Variants in PHAF1 observed in about 807,000 individuals in gnomAD.
PHAF1 encodes the protein phagosome assembly factor 1.
In PHAF1, 23 loss-of-function variants were observed where a neutral mutation model predicts 63.1. The observed-to-expected ratio is 0.36, with a 90% CI of 0.26 to 0.52. The LOEUF (loss-of-function observed/expected upper bound fraction) is 0.52, where lower values mean the gene tolerates loss of function less well. Ranked by LOEUF, PHAF1 falls within the 20% of genes least tolerant of loss-of-function variation. The probability of loss-of-function intolerance (pLI) is 0.93; values close to 1 mark genes in which losing one functional copy is unlikely to be tolerated. For synonymous variants in PHAF1, 167 were observed against 185.0 expected, an observed-to-expected ratio of 0.90 and a Z score of 0.79; for missense variants, 427 against 517.2, an observed-to-expected ratio of 0.83 and a Z score of 1.69.
chr16:67,133,793 A>G (rs1013439030), intron 6 of PHAF1, among the ~76,000 whole-genome samples: 4 of 151,788 alleles, frequency 2.6e-5, no homozygotes, highest in Non-Finnish European at 4.4e-5. Context: ...AAAAAAAAAA[A>G]AATTAGCTGG....
In PHAF1 at chr16:67,110,163, G is replaced by T. The variant is rs1216645685; in HGVS notation, c.-13G>T. The T allele has an allele frequency of 1.9e-6, 3 of 1,551,056 alleles. No individual in the cohort carries two copies. Among genetic ancestry groups the T allele is most frequent in the Middle Eastern group, 2.0e-4 (1 of 5,052 alleles). On this transcript the variant is annotated 5_prime_UTR_variant, in exon 1 of 16. Transcript: ENST00000219139. ...GCCGCAGGGAGGCCGCCCGGGCCAG[G>T]CGAGCCGAACCAATGCTGGACCTGG...
At position 67,144,985 on chromosome 16, in the gene PHAF1, A is replaced by G. The variant is rs564180574; in HGVS notation, c.1006+108A>G. ...GGTTGGATGTGTGGAGCTTCTGCCC[A>G]TGGCCTCAGTTCCTCTGGGGTGGGC... On this transcript the variant is annotated intron_variant, in intron 12 of 15. Coordinates refer to ENST00000219139, the MANE Select transcript of PHAF1 (RefSeq NM_025187.5). 5.4e-5 allele frequency: 74 copies of G among 1,381,330 alleles called. No homozygotes were observed. In the Admixed American group the frequency reaches 6.6e-4, roughly 12 times the overall value. The allele number at this position is 1,381,330 out of a possible 1,614,324, so 85.6% of individuals were successfully genotyped here. A position where few individuals can be genotyped will look rare whatever the true frequency, so the allele number is the denominator to read the frequency against.
Position 67,145,361 on chromosome 16 carries a change from G to C in PHAF1, c.1007-15G>C. The C allele has an allele frequency of 6.2e-7, 1 of 1,614,002 alleles. No individual in the cohort carries two copies. On this transcript the variant is annotated splice_polypyrimidine_tract_variant and intron_variant, in intron 12 of 15. Coordinates refer to ENST00000219139, the MANE Select transcript of PHAF1 (RefSeq NM_025187.5). The stretch of plus-strand genomic sequence containing the variant: ...GGGCCAGCTACAAATCTGCCCCACT[G>C]TCTTCTCTTTTCAGAAAACGCAGAT...
At chr16:67,141,804 AC>A (rs1963819879) in intron 10 of PHAF1, among the ~76,000 whole-genome samples, 1 of 152,232 alleles carries the variant, frequency 6.6e-6, no homozygotes, top group Non-Finnish European at 1.5e-5. Flanking sequence ...ACCAAGAACC[AC>A]ACAGAGCCCC....
At chr16:67,141,023 T>C (rs763721768) in intron 10 of PHAF1, among the ~76,000 whole-genome samples, 13 of 152,248 alleles carry the variant, frequency 8.5e-5, no homozygotes, top group Admixed American at 5.2e-4. Flanking sequence ...CCCTGTGCTA[T>C]GGACCCAGGG....
rs962805022 is a variant in PHAF1, at chr16:67,139,979, T to G, written c.662-5T>G. On this transcript the variant is annotated splice_region_variant and splice_polypyrimidine_tract_variant and intron_variant, in intron 8 of 15. Transcript: ENST00000219139. ...CTGACAACCTCTCTGTCTTGTTTTT[T>G]GCAGGTTGTGGACCTGGCCTATTAG... 5.0e-6 allele frequency: 8 copies of G among 1,614,114 alleles called. No homozygotes were observed. Among genetic ancestry groups the G allele is most frequent in the Non-Finnish European group, 6.8e-6 (8 of 1,179,994 alleles).
At chr16:67,146,920 T>C (rs2030142464) in intron 15 of PHAF1, 125 bp from the exon 16 acceptor site, 6 of 852,502 alleles carry the variant, frequency 7.0e-6, no homozygotes, top group Non-Finnish European at 1.2e-5. Context: ...CCAGGGGAGG[T>C]TGAGGAGTCG....
intron 6 of PHAF1, among the ~76,000 whole-genome samples, chr16:67,133,613 A>G (rs968828545): frequency 2.6e-5 from 4 of 151,648 alleles, no homozygotes; most frequent in Non-Finnish European, 4.4e-5. Context: ...CCCCGTCTCT[A>G]TTAAAAATAC....
intron 12 of PHAF1, 33 bp downstream of exon 12, chr16:67,144,910 G>A (rs1418188521): frequency 1.9e-6 from 3 of 1,604,456 alleles, no homozygotes; most frequent in East Asian, 2.2e-5. Context: ...GTAAGGGAGG[G>A]GTTTTAGAGT....
intron 10 of PHAF1, among the ~76,000 whole-genome samples, chr16:67,141,234 G>C (rs1484084814): frequency 2.0e-5 from 3 of 152,192 alleles, no homozygotes; most frequent in African/African-American, 7.2e-5. Context: ...TTCACAGAGG[G>C]AGTGAGGAGA....
intron 6 of PHAF1, among the ~76,000 whole-genome samples, chr16:67,133,886 A>G (rs947686226): frequency 2.6e-5 from 4 of 152,000 alleles, no homozygotes; most frequent in Admixed American, 6.6e-5. Flanking sequence ...TGGAGGTTGC[A>G]GTGAGCTGAG....
intron 1 of PHAF1, 64 bp from the exon 2 acceptor site, chr16:67,120,048 G>A: frequency 7.1e-7 from 1 of 1,400,114 alleles, no homozygotes; most frequent in Admixed American, 1.7e-5. Flanking sequence ...AGTGCCTAGT[G>A]AAGTGGTAGA....
intron 8 of PHAF1, chr16:67,134,820 T>A: frequency 2.3e-6 from 1 of 439,222 alleles, no homozygotes; most frequent in Non-Finnish European, 4.5e-6. Flanking sequence ...TGTAATCACC[T>A]CCCAAAGCCC....
At chr16:67,140,431 A>G (rs1963765973) in intron 9 of PHAF1, 80 bp from the exon 10 acceptor site, 1 of 1,238,436 alleles carries the variant, frequency 8.1e-7, no homozygotes, top group Admixed American at 1.7e-5. Flanking sequence ...TACACATGGA[A>G]CACAATTTGT....
intron 6 of PHAF1, among the ~76,000 whole-genome samples, chr16:67,133,644 G>T (rs1963496493): frequency 6.6e-6 from 1 of 152,086 alleles, no homozygotes; most frequent in South Asian, 2.1e-4. Context: ...GCTGGGTGTG[G>T]TGGCGGGTGC....
intron 6 of PHAF1, among the ~76,000 whole-genome samples, chr16:67,133,117 G>T (rs1397792936): frequency 6.6e-6 from 1 of 152,144 alleles, no homozygotes; most frequent in Non-Finnish European, 1.5e-5. Flanking sequence ...CCGAGGAAGA[G>T]GATACTTCCC....
intron 3 of PHAF1, among the ~76,000 whole-genome samples, chr16:67,129,029 T>G (rs1446371626): frequency 1.3e-5 from 2 of 152,164 alleles, no homozygotes; most frequent in African/African-American, 4.8e-5. Flanking sequence ...GGTGAGTGCC[T>G]GTGCCTGCTA....
chr16:67,148,384 C>T lies in PHAF1; in HGVS notation c.*1253C>T, dbSNP rs1477322637. On this transcript the variant is annotated 3_prime_UTR_variant, in exon 16 of 16. Transcript: ENST00000219139. ...TTGGACTGTGGCCTGGCCAGAGCCC[C>T]TTGCATATCCCCACTGTCAGGGGCA... The T allele has an allele frequency of 2.6e-5, 4 of 152,662 alleles. No homozygotes were observed. The highest frequency in any genetic ancestry group is 9.6e-5 in the African/African-American group (4 of 41,456). The allele number at this position is 152,662 out of a possible 1,614,324, so 9.5% of individuals were successfully genotyped here.
Position 67,140,119 on chromosome 16 carries a change from T to C in PHAF1, c.795+2T>C. 1 of 1,613,790 alleles carries C rather than the reference T, an allele frequency of 6.2e-7. No individual in the cohort carries two copies. Among genetic ancestry groups the C allele is most frequent in the Non-Finnish European group, 8.5e-7 (1 of 1,179,866 alleles). On this transcript the variant is annotated splice_donor_variant, in intron 9 of 15. Coordinates refer to ENST00000219139, the MANE Select transcript of PHAF1 (RefSeq NM_025187.5). LOFTEE classifies it high-confidence loss of function. Reference sequence around the variant, plus strand: ...GTCTTCTATAAATCAGAAGACAAGGTAGGGGAATTATGTTGCAGTCTCCTC... The same window carrying C: ...GTCTTCTATAAATCAGAAGACAAGGCAGGGGAATTATGTTGCAGTCTCCTC...
Sources: allele counts gnomAD v4.1 joint callset (sites outside exome capture counted in the v4.1 genomes callset), GRCh38; gene constraint gnomAD v4.1.1; transcripts MANE v1.5; gene names NCBI Gene and HGNC (gene_info 2026-07-23, HGNC 2026-07-21).